Variants in DLGAP2 observed in about 807,000 individuals in gnomAD.
The protein encoded by DLGAP2 is disks large-associated protein 2.
Under a neutral mutation model 100.3 loss-of-function variants are expected in DLGAP2, and 26 were observed. The ratio of observed to expected loss-of-function variants is 0.26; its 90% CI spans 0.19 to 0.36. The LOEUF (loss-of-function observed/expected upper bound fraction) is 0.36, where lower values mean the gene tolerates loss of function less well. Among genes scored for constraint, DLGAP2 ranks in the 10% least tolerant of loss-of-function variants. The pLI, the probability that DLGAP2 is intolerant of heterozygous loss-of-function variation, is 1.00. For synonymous variants in DLGAP2, 886 were observed against 630.1 expected, an observed-to-expected ratio of 1.41 and a Z score of -6.08; for missense variants, 1,858 against 1,453.2, an observed-to-expected ratio of 1.28 and a Z score of -4.53.
chr8:912,507 C>T (rs954078340), intron 2 of DLGAP2, among the ~76,000 whole-genome samples: 4 of 152,202 alleles, frequency 2.6e-5, no homozygotes, highest in African/African-American at 7.2e-5. Flanking sequence ...TTGCCAATTT[C>T]TGTGGTCCAG....
At chr8:757,675 A>G (rs1235953101) in intron 1 of DLGAP2, among the ~76,000 whole-genome samples, 1 of 152,114 alleles carries the variant, frequency 6.6e-6, no homozygotes, top group Non-Finnish European at 1.5e-5. Flanking sequence ...ACCATATCTG[A>G]GATCAGATGT....
At position 1,479,161 on chromosome 8, in the gene DLGAP2, C is replaced by T. The variant is rs1584942018; in HGVS notation, c.107-22205C>T. On this transcript the variant is annotated intron_variant, in intron 3 of 14. Coordinates refer to ENST00000637795, the MANE Select transcript of DLGAP2 (RefSeq NM_001346810.2). ...AGCCAGCAGGCCAGTGTTTCTTCAG[C>T]GGCCTTGAAAGGAGAGAGGCTGTGA... Among the ~76,000 whole-genome samples, 5 of 152,364 alleles carry T rather than the reference C, an allele frequency of 3.3e-5. No individual in the cohort carries two copies. In the Middle Eastern group the frequency reaches 0.01, roughly 311 times the overall value.
chr8:1,242,505 C>T (rs962874243), intron 2 of DLGAP2, among the ~76,000 whole-genome samples: 1 of 152,212 alleles, frequency 6.6e-6, no homozygotes, highest in East Asian at 1.9e-4. Context: ...GTTGCACCAA[C>T]CCCGCCCACT....
chr8:1,351,574 C>G (rs181123645), intron 3 of DLGAP2, among the ~76,000 whole-genome samples: 2 of 61,946 alleles, frequency 3.2e-5, no homozygotes, highest in Admixed American at 2.5e-4. Flanking sequence ...CGGGTCCTGA[C>G]TGTGTGTGGA....
At chr8:1,457,239 C>T (rs1798340435) in intron 3 of DLGAP2, among the ~76,000 whole-genome samples, 1 of 152,172 alleles carries the variant, frequency 6.6e-6, no homozygotes, top group Non-Finnish European at 1.5e-5. Flanking sequence ...CAAGATCTAA[C>T]TCCAAGGGGT....
chr8:1,282,060 G>C (rs1799825850), intron 3 of DLGAP2, among the ~76,000 whole-genome samples: 1 of 100,220 alleles, frequency 1.0e-5, no homozygotes, highest in African/African-American at 4.5e-5. Flanking sequence ...GGTGTGACCT[G>C]AACCCAGCAC....
intron 2 of DLGAP2, among the ~76,000 whole-genome samples, chr8:1,025,292 T>A (rs575724852): frequency 6.2e-4 from 95 of 152,304 alleles, no homozygotes; most frequent in African/African-American, 2.2e-3. Flanking sequence ...TCCCCGATCC[T>A]GAATCCAAAC....
intron 2 of DLGAP2, among the ~76,000 whole-genome samples, chr8:935,980 T>C (rs925431397): frequency 6.6e-6 from 1 of 152,150 alleles, no homozygotes; most frequent in African/African-American, 2.4e-5. Flanking sequence ...CTGGGAACAG[T>C]CTAAGAGTCA....
At chr8:1,095,973 T>G (rs1244785800) in intron 2 of DLGAP2, among the ~76,000 whole-genome samples, 2 of 152,200 alleles carry the variant, frequency 1.3e-5, no homozygotes, top group Non-Finnish European at 2.9e-5. Context: ...ACTGAATATT[T>G]TAAAAACAAA....
At chr8:1,455,838 C>T (rs1798296759) in intron 3 of DLGAP2, among the ~76,000 whole-genome samples, 1 of 152,212 alleles carries the variant, frequency 6.6e-6, no homozygotes. Flanking sequence ...GCGTTCCAGG[C>T]AGACCACAGA....
intron 3 of DLGAP2, among the ~76,000 whole-genome samples, chr8:1,412,934 C>T (rs888673773): frequency 6.6e-6 from 1 of 152,140 alleles, no homozygotes; most frequent in Non-Finnish European, 1.5e-5. Context: ...TGGGAAAATT[C>T]CTTCAATACC....
chr8:1,624,835 T>C lies in DLGAP2; in HGVS notation c.1443-1905T>C, dbSNP rs184811922. Among the ~76,000 whole-genome samples the C allele has an allele frequency of 2.6e-3, 345 of 133,272 alleles. 4 individuals carry two copies. The highest frequency in any genetic ancestry group is 8.7e-4 in the Non-Finnish European group (55 of 62,958). The allele number at this position is 133,272 out of a possible 152,430, so 87.4% of individuals were successfully genotyped here. On this transcript the variant is annotated intron_variant, in intron 6 of 14. Coordinates refer to ENST00000637795, the MANE Select transcript of DLGAP2 (RefSeq NM_001346810.2). The stretch of plus-strand genomic sequence containing the variant: ...TAGAATCAGCTCAAAACTAATTTCC[T>C]CCCTTTGCTTTCTCTCTCTCTCTCT...
At chr8:1,451,237 G>A (rs936444345) in intron 3 of DLGAP2, among the ~76,000 whole-genome samples, 1 of 152,136 alleles carries the variant, frequency 6.6e-6, no homozygotes, top group Non-Finnish European at 1.5e-5. Context: ...GAACAGGCCT[G>A]TTGCAGCGTA....
chr8:780,677 G>C (rs1016058484), intron 1 of DLGAP2, among the ~76,000 whole-genome samples: 5 of 152,236 alleles, frequency 3.3e-5, no homozygotes, highest in Admixed American at 6.5e-5. Flanking sequence ...ATGCTGGTTA[G>C]CTCAGTCTGC....
intron 2 of DLGAP2, among the ~76,000 whole-genome samples, chr8:924,822 G>A (rs754173351): frequency 6.6e-6 from 1 of 152,096 alleles, no homozygotes; most frequent in African/African-American, 2.4e-5. Context: ...CCGATCTCAG[G>A]TGATCCACCT....
At chr8:1,480,248 G>T (rs1449355422) in intron 3 of DLGAP2, among the ~76,000 whole-genome samples, 1 of 152,092 alleles carries the variant, frequency 6.6e-6, no homozygotes, top group Non-Finnish European at 1.5e-5. Context: ...CCAAAAGCCG[G>T]GTCTTGTTTT....
chr8:782,364 C>G (rs1821715528), intron 1 of DLGAP2, among the ~76,000 whole-genome samples: 2 of 152,142 alleles, frequency 1.3e-5, no homozygotes, highest in Middle Eastern at 3.4e-3. Flanking sequence ...AAACTTAAGA[C>G]TGTCTCTGGA....
chr8:1,063,660 C>T (rs1803156965), intron 2 of DLGAP2, among the ~76,000 whole-genome samples: 1 of 151,866 alleles, frequency 6.6e-6, no homozygotes, highest in African/African-American at 2.4e-5. Flanking sequence ...TAATTGCTAG[C>T]TTTAAAAGTT....
chr8:1,187,661 C>A (rs1182908691), intron 2 of DLGAP2, among the ~76,000 whole-genome samples: 2 of 141,256 alleles, frequency 1.4e-5, no homozygotes, highest in East Asian at 4.5e-4. Flanking sequence ...CTCACGTGCC[C>A]GGGACCTCTG....
Sources: gnomAD v4.1 joint callset for allele counts (sites outside exome capture counted in the v4.1 genomes callset) on GRCh38, gnomAD v4.1.1 for gene constraint, MANE v1.5 for transcripts, NCBI Gene and HGNC (gene_info 2026-07-23, HGNC 2026-07-21) for gene names.